The following CRYBA4 variants were observed in gnomAD, a reference collection of about 807,000 sequenced individuals.
The protein encoded by CRYBA4 is crystallin beta A4.
Under a neutral mutation model 31.7 loss-of-function variants are expected in CRYBA4, and 30 were observed. That is an observed-to-expected ratio of 0.95 (90% CI 0.71 to 1.28). CRYBA4 has a LOEUF of 1.28. CRYBA4 is among the 50% of genes most tolerant of loss of function. The pLI is 0.00. For synonymous variants in CRYBA4, 102 were observed against 102.3 expected (o/e 1.00, Z 0.02); for missense variants, 225 against 260.7 (o/e 0.86, Z 0.94).
upstream of CRYBA4, among the ~76,000 whole-genome samples, chr22:26,618,443 G>A (rs1299563520): frequency 6.6e-6 from 1 of 152,212 alleles, no homozygotes; most frequent in Admixed American, 6.5e-5. Context: ...GCAATTATAA[G>A]GTGGGCACGT....
At chr22:26,595,261 T>C in the CRYBA4 span, among the ~76,000 whole-genome samples, 1 of 152,202 alleles carries the variant, frequency 6.6e-6, no homozygotes, top group African/African-American at 2.4e-5. Context: ...CTTGTTTCAG[T>C]GATGCTAATA....
At chr22:26,590,351 A>C in the CRYBA4 span, among the ~76,000 whole-genome samples, 22,019 of 152,130 alleles carry the variant, frequency 0.14, 2,122 homozygotes, top group South Asian at 0.31. Context: ...CGGGCAGCTC[A>C]CCACTTCTCC....
At chr22:26,612,946 C>T in the CRYBA4 span, among the ~76,000 whole-genome samples, 27 of 152,282 alleles carry the variant, frequency 1.8e-4, no homozygotes, top group African/African-American at 6.5e-4. Flanking sequence ...ACAACTAACC[C>T]ACCACACAGT....
the CRYBA4 span, among the ~76,000 whole-genome samples, chr22:26,602,573 A>AG: frequency 1.3e-5 from 2 of 151,218 alleles, no homozygotes; most frequent in Non-Finnish European, 3.0e-5. Flanking sequence ...CCTGGGTGAC[A>AG]GAGCAAGACC....
chr22:26,618,422 C>G (rs1929430970), upstream of CRYBA4, among the ~76,000 whole-genome samples: 1 of 152,168 alleles, frequency 6.6e-6, no homozygotes, highest in Non-Finnish European at 1.5e-5. Flanking sequence ...CCTAGGGGGG[C>G]CTCTGTGTCT....
At chr22:26,629,756 A>AAAAAAAAAAAC (rs1929864933) in intron 5 of CRYBA4, among the ~76,000 whole-genome samples, 1 of 144,438 alleles carries the variant, frequency 6.9e-6, no homozygotes, top group Non-Finnish European at 1.5e-5. Flanking sequence ...AAAAAAAAAA[A>AAAAAAAAAAAC]TCAATGAATT....
At chr22:26,620,752 G>A (rs1327155826), upstream of CRYBA4, among the ~76,000 whole-genome samples, 1 of 151,840 alleles carries the variant, frequency 6.6e-6, no homozygotes, top group Non-Finnish European at 1.5e-5. Flanking sequence ...TAGTAGAGAC[G>A]GGGTTTCACC....
intron 4 of CRYBA4, among the ~76,000 whole-genome samples, chr22:26,625,906 C>G (rs1424753868): frequency 1.3e-5 from 2 of 149,138 alleles, no homozygotes; most frequent in African/African-American, 4.9e-5. Flanking sequence ...AGTTTTGTGC[C>G]CTTTTTTTTT....
the CRYBA4 span, among the ~76,000 whole-genome samples, chr22:26,600,989 G>A: frequency 1.1e-3 from 164 of 152,346 alleles, no homozygotes; most frequent in Middle Eastern, 6.8e-3. Flanking sequence ...GTAGGAACTT[G>A]GCTGTATTCA....
the CRYBA4 span, among the ~76,000 whole-genome samples, chr22:26,603,192 C>T: frequency 6.6e-6 from 1 of 150,668 alleles, no homozygotes; most frequent in Non-Finnish European, 1.5e-5. Flanking sequence ...TGATCTTGGA[C>T]ATTTTACTCT....
intron 4 of CRYBA4, among the ~76,000 whole-genome samples, chr22:26,626,108 A>G (rs945452433): frequency 5.1e-4 from 77 of 152,294 alleles, no homozygotes; most frequent in African/African-American, 1.8e-3. Context: ...AGGCTCAGAA[A>G]GGTGTATTTT....
At chr22:26,627,497 TTTCTTTCTTTCTTTC>T (rs1177991050) in intron 4 of CRYBA4, among the ~76,000 whole-genome samples, 1 of 17,708 alleles carries the variant, frequency 5.6e-5, no homozygotes, top group Non-Finnish European at 1.2e-4. Flanking sequence ...CTTTTCTTTC[TTTCTTTCTTTCTTTC>T]TTTCTTTCTT....
chr22:26,596,299 G>T, the CRYBA4 span, among the ~76,000 whole-genome samples: 3 of 151,950 alleles, frequency 2.0e-5, no homozygotes, highest in African/African-American at 7.3e-5. Context: ...GCTTCACCAT[G>T]TTGACCAGGC....
chr22:26,627,426 T>TTCTTTC (rs1431636604), intron 4 of CRYBA4, among the ~76,000 whole-genome samples: 2 of 75,350 alleles, frequency 2.7e-5, no homozygotes, highest in African/African-American at 2.0e-4. Context: ...CTTTCTTTCT[T>TTCTTTC]TTTCTTTCTT....
At chr22:26,612,836 T>C in the CRYBA4 span, among the ~76,000 whole-genome samples, 2 of 152,200 alleles carry the variant, frequency 1.3e-5, no homozygotes, top group African/African-American at 4.8e-5. Context: ...TATTCTGTTT[T>C]AGGCTCAGGT....
At chr22:26,596,561 GT>G in the CRYBA4 span, 1 of 152,160 alleles carries the variant, frequency 6.6e-6, no homozygotes, top group Non-Finnish European at 1.5e-5. Flanking sequence ...AAACAATTGT[GT>G]TATGTTTTGA....
At chr22:26,608,116 G>T in the CRYBA4 span, 1 of 1,590,440 alleles carries the variant, frequency 6.3e-7, no homozygotes, top group Non-Finnish European at 8.6e-7. Context: ...TGGCAAGGCA[G>T]CCCTGAGGAC....
chr22:26,610,339 T>C, the CRYBA4 span, among the ~76,000 whole-genome samples: 1 of 152,128 alleles, frequency 6.6e-6, no homozygotes, highest in Non-Finnish European at 1.5e-5. Context: ...CTCACCCTCT[T>C]CATTCTTTTT....
rs1569211592 is a variant in CRYBA4 at position 26,627,364 on chromosome 22, CTTTCTTTCTTT to C, written c.301-923_301-913del. Among the ~76,000 whole-genome samples, 16 of 30,308 alleles carry C rather than the reference CTTTCTTTCTTT, an allele frequency of 5.3e-4. 2 individuals are homozygous for C. The highest frequency in any genetic ancestry group is 8.5e-4 in the African/African-American group (5 of 5,848). 19.9% of individuals were successfully genotyped at this position (30,308 alleles called of 152,430 possible). On this transcript the variant is annotated intron_variant, in intron 4 of 5. Coordinates refer to ENST00000354760, the MANE Select transcript of CRYBA4 (RefSeq NM_001886.3). ...CCCTCCCTCCCTCCCTCCCTCCTTT[CTTTCTTTCTTT>C]CTTTCTTTCTTTCTTTCTTTCTTTC... is the stretch of plus-strand genomic sequence containing the variant.
Sources: gnomAD v4.1 joint callset for allele counts (sites outside exome capture counted in the v4.1 genomes callset) on GRCh38, gnomAD v4.1.1 for gene constraint, MANE v1.5 for transcripts, NCBI Gene and HGNC (gene_info 2026-07-23, HGNC 2026-07-21) for gene names.